The following USP12 variants were observed in gnomAD, a reference collection of about 807,000 sequenced individuals.
The protein encoded by USP12 is ubiquitin specific peptidase 12, also known as ubiquitin carboxyl-terminal hydrolase 12.
Under a neutral mutation model 45.5 loss-of-function variants are expected in USP12, and 19 were observed. The observed-to-expected ratio is 0.42, with a 90% CI of 0.29 to 0.61. The LOEUF (loss-of-function observed/expected upper bound fraction) is 0.61, where lower values mean the gene tolerates loss of function less well. Among genes scored for constraint, USP12 ranks in the 20% least tolerant of loss-of-function variants. The pLI, the probability that USP12 is intolerant of heterozygous loss-of-function variation, is 0.22. For missense variants in USP12, 242 were observed against 447.7 expected (o/e 0.54, Z 4.15); for synonymous variants, 149 against 148.8 (o/e 1.00, Z -0.01).
chr13:27,143,099 G>GAAAAAAAAAAAAAAAAAAAAAAA (rs55973953), intron 1 of USP12, among the ~76,000 whole-genome samples: 1 of 143,384 alleles, frequency 7.0e-6, no homozygotes. Flanking sequence ...CTCAAAAAAA[G>GAAAAAAAAAAAAAAAAAAAAAAA]AAAAAAAAAA....
At chr13:27,164,016 C>T (rs1020888704) in intron 1 of USP12, among the ~76,000 whole-genome samples, 4 of 150,984 alleles carry the variant, frequency 2.6e-5, no homozygotes, top group East Asian at 1.9e-4. Flanking sequence ...ACATGCAGCA[C>T]GATATAATGT....
chr13:27,083,237 T>G (rs966801340), intron 6 of USP12, among the ~76,000 whole-genome samples: 1 of 152,068 alleles, frequency 6.6e-6, no homozygotes, highest in African/African-American at 2.4e-5. Flanking sequence ...AATATAATAA[T>G]GAAAAAGTTT....
At chr13:27,113,657 C>T (rs1875573917) in intron 2 of USP12, among the ~76,000 whole-genome samples, 1 of 152,218 alleles carries the variant, frequency 6.6e-6, no homozygotes, top group Non-Finnish European at 1.5e-5. Context: ...ATGCAAATTA[C>T]TGTCGTGTTA....
intron 1 of USP12, among the ~76,000 whole-genome samples, chr13:27,160,345 G>C (rs1257034182): frequency 1.3e-5 from 2 of 151,900 alleles, no homozygotes; most frequent in African/African-American, 4.8e-5. Flanking sequence ...TTAAGTGAAG[G>C]CCTCTGCTTT....
chr13:27,158,392 T>C (rs1356000108), intron 1 of USP12, among the ~76,000 whole-genome samples: 1 of 152,190 alleles, frequency 6.6e-6, no homozygotes, highest in East Asian at 1.9e-4. Context: ...CCTACAGAAT[T>C]GTTAGGACGA....
intron 6 of USP12, among the ~76,000 whole-genome samples, chr13:27,081,009 A>AT (rs372527345): frequency 0.64 from 73,275 of 114,042 alleles, 25,517 homozygotes; most frequent in Non-Finnish European, 0.76. Flanking sequence ...GGCTGAGGCA[A>AT]TTTTTTTTTT....
At chr13:27,147,352 CTA>C (rs1378761601) in intron 1 of USP12, among the ~76,000 whole-genome samples, 1 of 152,080 alleles carries the variant, frequency 6.6e-6, no homozygotes, top group Non-Finnish European at 1.5e-5. Flanking sequence ...CGAATGTCTT[CTA>C]TGAGAATGCT....
At chr13:27,095,476 A>G (rs1390609788) in intron 4 of USP12, 125 bp downstream of exon 4, 3 of 669,634 alleles carry the variant, frequency 4.5e-6, no homozygotes. Flanking sequence ...TGAAAAATAC[A>G]TCTTTAACTC....
At chr13:27,119,516 CA>C (rs990151059) in intron 1 of USP12, among the ~76,000 whole-genome samples, 11 of 152,206 alleles carry the variant, frequency 7.2e-5, no homozygotes, top group African/African-American at 2.7e-4. Context: ...CTCCCAGTTC[CA>C]AATTTATCTG....
intron 6 of USP12, among the ~76,000 whole-genome samples, chr13:27,086,189 A>ATATATATATATATAT (rs1378446137): frequency 2.1e-4 from 17 of 81,882 alleles, no homozygotes; most frequent in Non-Finnish European, 2.2e-4. Flanking sequence ...AAAAAAAAAA[A>ATATATATATATATAT]AAAAAAAAAT....
chr13:27,085,407 C>A (rs1873966679), intron 6 of USP12, among the ~76,000 whole-genome samples: 1 of 152,100 alleles, frequency 6.6e-6, no homozygotes, highest in African/African-American at 2.4e-5. Flanking sequence ...TCTTGAACTC[C>A]TGACCTCAGG....
intron 1 of USP12, among the ~76,000 whole-genome samples, chr13:27,119,049 T>C (rs1384995097): frequency 1.3e-5 from 2 of 152,194 alleles, no homozygotes; most frequent in Non-Finnish European, 2.9e-5. Context: ...AGGGTGACTA[T>C]AACAGAATTT....
At chr13:27,105,517 G>A (rs748679535) in intron 3 of USP12, among the ~76,000 whole-genome samples, 14 of 152,120 alleles carry the variant, frequency 9.2e-5, no homozygotes, top group Non-Finnish European at 1.6e-4. Flanking sequence ...ACTGTATAAC[G>A]CAATGCAAAC....
At chr13:27,118,164 T>C (rs904718678) in intron 1 of USP12, among the ~76,000 whole-genome samples, 1 of 151,644 alleles carries the variant, frequency 6.6e-6, no homozygotes, top group African/African-American at 2.4e-5. Context: ...CCTTTCCGCA[T>C]GAGACTCCTA....
rs1565994683 is a variant in USP12, at chr13:27,116,610, A to C, written c.49-14T>G. Reference sequence around the variant, plus strand: ...AGCATTGGCGCCCTATAAAATGAAAAACAAAAATCTTAGTATTTATAGTAG... The same window carrying C: ...AGCATTGGCGCCCTATAAAATGAAACACAAAAATCTTAGTATTTATAGTAG... On this transcript the variant is annotated splice_polypyrimidine_tract_variant and intron_variant, in intron 1 of 8. Transcript: ENST00000282344. 2 of 1,608,864 alleles carry C rather than the reference A, an allele frequency of 1.2e-6. No individual in the cohort carries two copies. The highest frequency in any genetic ancestry group is 1.7e-6 in the Non-Finnish European group (2 of 1,178,938).
intron 1 of USP12, among the ~76,000 whole-genome samples, chr13:27,133,815 C>G (rs1464639004): frequency 6.6e-6 from 1 of 152,062 alleles, no homozygotes; most frequent in Non-Finnish European, 1.5e-5. Flanking sequence ...AGAAAAATGT[C>G]CTAATTTTAT....
At chr13:27,135,251 A>ATTT (rs1876749590) in intron 1 of USP12, among the ~76,000 whole-genome samples, 1 of 152,250 alleles carries the variant, frequency 6.6e-6, no homozygotes, top group East Asian at 1.9e-4. Flanking sequence ...AAACCTGGGC[A>ATTT]ATAAAGCAAG....
chr13:27,069,533 A>G (rs927900144), intron 8 of USP12, 149 bp from the exon 9 acceptor site: 7 of 629,024 alleles, frequency 1.1e-5, no homozygotes, highest in Non-Finnish European at 2.0e-5. Flanking sequence ...CACCAAAAAA[A>G]TGTTTATAAA....
In USP12 at chr13:27,122,645, C is replaced by T. The variant is rs560288065; in HGVS notation, c.49-6049G>A. On this transcript the variant is annotated intron_variant, in intron 1 of 8. Transcript: ENST00000282344. Reference sequence around the variant, plus strand: ...CCAGCCTGGATGACAGAGTGAGACCCCATCTCAAAATAAATAAATAAATAA... The same window carrying T: ...CCAGCCTGGATGACAGAGTGAGACCTCATCTCAAAATAAATAAATAAATAA... Among the ~76,000 whole-genome samples, 9 of 151,424 alleles carry T rather than the reference C, an allele frequency of 5.9e-5. No homozygotes were observed. The East Asian group carries it at 1.2e-3, about 20-fold the overall frequency.
Sources: allele counts gnomAD v4.1 joint callset (sites outside exome capture counted in the v4.1 genomes callset), GRCh38; gene constraint gnomAD v4.1.1; transcripts MANE v1.5; gene names NCBI Gene and HGNC (gene_info 2026-07-23, HGNC 2026-07-21).